Variants in RAVER2 observed in about 807,000 individuals in gnomAD.
RAVER2 encodes the protein ribonucleoprotein PTB-binding 2.
RAVER2 carries 46 observed loss-of-function variants against 78.1 expected under a neutral mutation model. That is an observed-to-expected ratio of 0.59 (90% CI 0.46 to 0.75). The LOEUF (loss-of-function observed/expected upper bound fraction) is 0.75. RAVER2 is among the 30% of genes least tolerant of loss of function. RAVER2 has a pLI of 0.00. For synonymous variants in RAVER2, 311 were observed against 313.3 expected (o/e 0.99, Z 0.08); for missense variants, 793 against 837.5 (o/e 0.95, Z 0.66).
At chr1:64,789,859 C>CT (rs1274841015) in intron 5 of RAVER2, among the ~76,000 whole-genome samples, 1 of 152,106 alleles carries the variant, frequency 6.6e-6, no homozygotes, top group East Asian at 1.9e-4. Flanking sequence ...AATTAATACT[C>CT]TTCTATGTAA....
chr1:64,748,411 C>T (rs1173321887), intron 1 of RAVER2, among the ~76,000 whole-genome samples: 2 of 152,202 alleles, frequency 1.3e-5, no homozygotes, highest in East Asian at 3.9e-4. Flanking sequence ...GAGGGATACT[C>T]CTGAAGCACA....
At chr1:64,781,383 G>A in exon 4 of RAVER2, 1 of 1,596,542 alleles carries the variant, frequency 6.3e-7, no homozygotes, top group Non-Finnish European at 8.5e-7. Flanking sequence ...GTATCAGCTT[G>A]CACAGGATGA....
chr1:64,764,636 T>A (rs780401271), intron 1 of RAVER2, among the ~76,000 whole-genome samples: 2 of 152,170 alleles, frequency 1.3e-5, no homozygotes. Flanking sequence ...GAGAATACAC[T>A]CATAATACAG....
exon 3 of RAVER2, chr1:64,777,763 T>C: frequency 6.2e-7 from 1 of 1,614,070 alleles, no homozygotes; most frequent in Non-Finnish European, 8.5e-7. Context: ...GCCCATTTCT[T>C]TTACATCAGA....
chr1:64,811,770 G>T (rs1406885689), intron 9 of RAVER2, among the ~76,000 whole-genome samples: 1 of 152,168 alleles, frequency 6.6e-6, no homozygotes, highest in Non-Finnish European at 1.5e-5. Context: ...TTAAGTTTTT[G>T]GGTAGACAAG....
chr1:64,804,850 A>G lies in RAVER2; in HGVS notation c.1296+12A>G. 6.6e-7 allele frequency: 1 copy of G among 1,508,128 alleles called. No individual in the cohort carries two copies. The highest frequency in any genetic ancestry group is 9.2e-7 in the Non-Finnish European group (1 of 1,090,312). The allele number at this position is 1,508,128 out of a possible 1,614,324, so 93.4% of individuals were successfully genotyped here. A position where few individuals can be genotyped will look rare whatever the true frequency, so the allele number is the denominator to read the frequency against. ...TTCATACTAATAATGTAAGTATGGT[A>G]TCATTTTTTCTTTTAAAATCAGTTC... On this transcript the variant is annotated intron_variant, in intron 7 of 11. Transcript: ENST00000294428.
At chr1:64,756,852 T>C (rs1651868326) in intron 1 of RAVER2, among the ~76,000 whole-genome samples, 1 of 152,308 alleles carries the variant, frequency 6.6e-6, no homozygotes, top group East Asian at 1.9e-4. Flanking sequence ...TTGGGTATCT[T>C]TTAGAATGTC....
At chr1:64,779,393 T>C (rs1652566770) in intron 3 of RAVER2, among the ~76,000 whole-genome samples, 2 of 152,110 alleles carry the variant, frequency 1.3e-5, no homozygotes, top group South Asian at 4.1e-4. Flanking sequence ...TTTAACATTT[T>C]TTTTTTGAGA....
rs10691863 is a variant in RAVER2 at position 64,809,489 on chromosome 1, AAAATAAAT to A, written c.1680+2043_1680+2050del. Among the ~76,000 whole-genome samples, 1,315 of 147,450 alleles carry A rather than the reference AAAATAAAT, an allele frequency of 8.9e-3. 23 individuals carry two copies. Among genetic ancestry groups the A allele is most frequent in the African/African-American group, 0.031 (1,231 of 40,206 alleles). The stretch of plus-strand genomic sequence containing the variant: ...TGTTTCCAGAATCACCTCTAGTGCA[AAAATAAAT>A]AAATAAATAAATAAATAAATAAATA... On this transcript the variant is annotated intron_variant, in intron 9 of 11. Transcript: ENST00000294428.
At chr1:64,749,247 G>A (rs1335038157) in intron 1 of RAVER2, among the ~76,000 whole-genome samples, 1 of 152,144 alleles carries the variant, frequency 6.6e-6, no homozygotes, top group East Asian at 1.9e-4. Flanking sequence ...TTCTCACTCT[G>A]TCGCCCAGGC....
Position 64,745,513 on chromosome 1 carries a change from C to G in RAVER2, c.249+92C>G. ...GGGATCGGGGGCGCCTCAGAGCGGTCCTGGGGAGTGGGTCGGCGCCGAGTG... is the reference window on the plus strand; with the variant it reads ...GGGATCGGGGGCGCCTCAGAGCGGTGCTGGGGAGTGGGTCGGCGCCGAGTG... On this transcript the variant is annotated intron_variant, in intron 1 of 11. Coordinates refer to ENST00000294428, the Ensembl canonical transcript of RAVER2. This position sits in a 1 kb window ranked among gnomAD's most constrained non-coding sequence, Gnocchi z 4.3. 1 of 1,351,520 alleles carries G rather than the reference C, an allele frequency of 7.4e-7. No individual in the cohort carries two copies. 83.7% of individuals were successfully genotyped at this position (1,351,520 alleles called of 1,614,324 possible).
intron 11 of RAVER2, among the ~76,000 whole-genome samples, chr1:64,818,472 G>T (rs1167217053): frequency 6.6e-6 from 1 of 152,138 alleles, no homozygotes; most frequent in African/African-American, 2.4e-5. Flanking sequence ...GGAGGCGGAG[G>T]TTGCAGTGAG....
chr1:64,789,188 C>T lies in RAVER2; in HGVS notation c.979-200C>T, dbSNP rs1368948731. On this transcript the variant is annotated intron_variant, in intron 4 of 11. Transcript: ENST00000294428. ...AAAGCCAGTTGGTATTTACCTGAGA[C>T]GTTCTATGAGGATTTTATGCCATAT... Among the ~76,000 whole-genome samples the T allele has an allele frequency of 3.9e-5, 6 of 152,062 alleles. No homozygotes were observed. The South Asian group carries it at 6.2e-4, about 16-fold the overall frequency.
chr1:64,799,078 A>G (rs188223496), intron 5 of RAVER2, among the ~76,000 whole-genome samples: 256 of 152,288 alleles, frequency 1.7e-3, no homozygotes, highest in Non-Finnish European at 3.3e-3. Context: ...ACCTCTCCCT[A>G]TCATCCCCTT....
chr1:64,815,624 T>C (rs1271923548), intron 11 of RAVER2: 2 of 152,236 alleles, frequency 1.3e-5, no homozygotes, highest in Non-Finnish European at 2.9e-5. Context: ...ATCTATCCTG[T>C]TCGTTGGAGT....
At chr1:64,802,639 CA>C (rs1216026579) in intron 5 of RAVER2, among the ~76,000 whole-genome samples, 2 of 151,910 alleles carry the variant, frequency 1.3e-5, no homozygotes, top group Non-Finnish European at 2.9e-5. Flanking sequence ...CCTGAAATAC[CA>C]AAAAAACACT....
chr1:64,788,408 C>T (rs898590806), intron 4 of RAVER2, among the ~76,000 whole-genome samples: 21 of 151,854 alleles, frequency 1.4e-4, no homozygotes, highest in Admixed American at 1.2e-3. Flanking sequence ...GGAGGCAAAG[C>T]TTGCAGTGAG....
At position 64,784,365 on chromosome 1, in the gene RAVER2, A is replaced by T. The variant is rs192095632; in HGVS notation, c.978+2794A>T. Among the ~76,000 whole-genome samples the T allele has an allele frequency of 2.3e-3, 353 of 152,336 alleles. 1 individual carries two copies. Among genetic ancestry groups the T allele is most frequent in the Non-Finnish European group, 3.8e-3 (258 of 68,030 alleles). ...GCACTCCAGCCTGGGTGACAAAGTA[A>T]GACCTTGTCTCAAAAACAAAGCAAA... On this transcript the variant is annotated intron_variant, in intron 4 of 11. Coordinates refer to ENST00000294428, the Ensembl canonical transcript of RAVER2.
intron 1 of RAVER2, among the ~76,000 whole-genome samples, chr1:64,750,862 A>G (rs1651678876): frequency 6.6e-6 from 1 of 152,202 alleles, no homozygotes; most frequent in South Asian, 2.1e-4. Context: ...GAATTGAATT[A>G]TGGGTTCTAC....
Sources: gnomAD v4.1 joint callset for allele counts (sites outside exome capture counted in the v4.1 genomes callset) on GRCh38, gnomAD v4.1.1 for gene constraint, Gnocchi (gnomAD v3.1) non-coding constraint, MANE v1.5 for transcripts, NCBI Gene and HGNC (gene_info 2026-07-23, HGNC 2026-07-21) for gene names.